The following TTC27 variants were observed in gnomAD, a reference collection of about 807,000 sequenced individuals.
TTC27 encodes tetratricopeptide repeat domain 27, also known as tetratricopeptide repeat protein 27.
Under a neutral mutation model 115.9 loss-of-function variants are expected in TTC27, and 79 were observed. The observed-to-expected ratio is 0.68, with a 90% CI of 0.57 to 0.82. The LOEUF is 0.82. Among genes scored for constraint, TTC27 ranks in the 40% least tolerant of loss-of-function variants. TTC27 has a pLI of 0.00. For synonymous variants in TTC27, 401 were observed against 356.0 expected, an observed-to-expected ratio of 1.13 and a Z score of -1.42; for missense variants, 1,054 against 993.1, an observed-to-expected ratio of 1.06 and a Z score of -0.82.
chr2:32,752,519 A>T (rs1669054469), intron 12 of TTC27, among the ~76,000 whole-genome samples: 1 of 152,210 alleles, frequency 6.6e-6, no homozygotes, highest in Non-Finnish European at 1.5e-5. Flanking sequence ...TCTGATGAAT[A>T]TCTTAATTCA....
At chr2:32,734,510 C>T (rs536220424) in intron 11 of TTC27, among the ~76,000 whole-genome samples, 4 of 152,350 alleles carry the variant, frequency 2.6e-5, no homozygotes, top group African/African-American at 9.6e-5. Flanking sequence ...CATGACTACT[C>T]TCCTCTTTCT....
intron 12 of TTC27, among the ~76,000 whole-genome samples, chr2:32,745,933 T>A (rs1668810733): frequency 6.6e-6 from 1 of 152,202 alleles, no homozygotes; most frequent in African/African-American, 2.4e-5. Flanking sequence ...CAGGTTTCCC[T>A]GGTCAAGTAA....
chr2:32,654,812 C>A (rs1461473674), intron 5 of TTC27, among the ~76,000 whole-genome samples: 2 of 151,590 alleles, frequency 1.3e-5, no homozygotes, highest in Non-Finnish European at 2.9e-5. Context: ...TCTCCTTCCT[C>A]AGCCTCCCAA....
chr2:32,702,893 A>T lies in TTC27; in HGVS notation c.1206A>T (p.Arg402=). Residue 402 remains arginine (R), a synonymous_variant, in exon 10 of 20, where the codon CGA becomes CGT. Transcript: ENST00000317907. ...RTKLEKGSTR[R]VERAMRQTQA... is the part of the protein sequence containing the mutation. ...AACTTGAGAAAGGAAGTACTCGCCGAGTGGAACGGGCAATGAGGCAGACAC... is the reference window on the plus strand; with the variant it reads ...AACTTGAGAAAGGAAGTACTCGCCGTGTGGAACGGGCAATGAGGCAGACAC... 1 of 1,614,110 alleles carries T rather than the reference A, an allele frequency of 6.2e-7. No individual in the cohort carries two copies. The highest frequency in any genetic ancestry group is 1.7e-5 in the Admixed American group (1 of 60,018).
intron 16 of TTC27, among the ~76,000 whole-genome samples, chr2:32,788,367 C>A (rs1390834877): frequency 1.3e-5 from 2 of 151,622 alleles, no homozygotes; most frequent in Non-Finnish European, 2.9e-5. Flanking sequence ...TAGGGCCAGG[C>A]TGAATTAGTT....
chr2:32,794,993 A>T (rs1426712483), intron 16 of TTC27, among the ~76,000 whole-genome samples: 1 of 152,170 alleles, frequency 6.6e-6, no homozygotes, highest in African/African-American at 2.4e-5. Flanking sequence ...ATTCACTGGT[A>T]AATTGTATCA....
chr2:32,732,712 G>C (rs1003488096), intron 10 of TTC27, among the ~76,000 whole-genome samples: 1 of 152,176 alleles, frequency 6.6e-6, no homozygotes, highest in African/African-American at 2.4e-5. Context: ...GTTTTGGAGA[G>C]TAAGTTGCCA....
chr2:32,738,867 G>A (rs1054847072), intron 12 of TTC27, among the ~76,000 whole-genome samples: 2 of 152,110 alleles, frequency 1.3e-5, no homozygotes, highest in South Asian at 2.1e-4. Context: ...GCTTTGTTTT[G>A]TACTGAGATG....
chr2:32,811,424 A>G (rs1038586569), intron 17 of TTC27, among the ~76,000 whole-genome samples: 4 of 152,208 alleles, frequency 2.6e-5, no homozygotes, highest in African/African-American at 9.6e-5. Flanking sequence ...TTTATTTACC[A>G]TGAAGTTTTC....
At chr2:32,718,836 A>G (rs1185657145) in intron 10 of TTC27, among the ~76,000 whole-genome samples, 1 of 152,212 alleles carries the variant, frequency 6.6e-6, no homozygotes, top group Admixed American at 6.5e-5. Context: ...TGGGAATCTG[A>G]GGCAACTGGG....
intron 12 of TTC27, among the ~76,000 whole-genome samples, chr2:32,749,165 C>G (rs1164705155): frequency 6.6e-6 from 1 of 152,198 alleles, no homozygotes; most frequent in Non-Finnish European, 1.5e-5. Context: ...TTATTTACCA[C>G]CTCAGGCAGC....
chr2:32,755,726 C>G (rs1171770421), intron 12 of TTC27, among the ~76,000 whole-genome samples: 1 of 152,162 alleles, frequency 6.6e-6, no homozygotes, highest in Non-Finnish European at 1.5e-5. Flanking sequence ...TGGCTTTTAC[C>G]TGGTTGGTAG....
At chr2:32,724,635 A>G (rs1322748464) in intron 10 of TTC27, among the ~76,000 whole-genome samples, 1 of 152,244 alleles carries the variant, frequency 6.6e-6, no homozygotes, top group Non-Finnish European at 1.5e-5. Context: ...GCCACTTGCT[A>G]AAGTACAATG....
intron 12 of TTC27, among the ~76,000 whole-genome samples, chr2:32,753,493 A>G (rs142826902): frequency 0.012 from 1,441 of 118,776 alleles, 16 homozygotes; most frequent in Middle Eastern, 0.032. Context: ...GCTGGAGTGC[A>G]GTGGCTTGAT....
At chr2:32,695,403 G>T (rs986013652) in intron 9 of TTC27, among the ~76,000 whole-genome samples, 1 of 152,012 alleles carries the variant, frequency 6.6e-6, no homozygotes, top group African/African-American at 2.4e-5. Context: ...GGCCAACATG[G>T]TGAAATGCCA....
In TTC27 at chr2:32,792,685, G is replaced by A. The variant is rs573646904; in HGVS notation, c.1998+5536G>A. On this transcript the variant is annotated intron_variant, in intron 16 of 19. Transcript: ENST00000317907. ...GAAATTGCTTCATTCTTGGCCTGGA[G>A]CCCTCCTGGTAGTTTTTGTAATGGG... 5.5e-4 allele frequency among the ~76,000 whole-genome samples: 83 copies of A among 152,248 alleles called. 1 individual carries two copies. The highest frequency in any genetic ancestry group is 9.4e-4 in the Non-Finnish European group (64 of 68,020).
rs750852289 is a variant in TTC27 at position 32,811,228 on chromosome 2, C to T, written c.2196+7C>T. ...GCCTGATGAAAATGAAAAGGCAAGT[C>T]CTTCATTCCTCCTGAGTCCTTGCCT... On this transcript the variant is annotated splice_region_variant and intron_variant, in intron 17 of 19. Coordinates refer to ENST00000317907, the MANE Select transcript of TTC27 (RefSeq NM_017735.5). 3 of 1,610,908 alleles carry T rather than the reference C, an allele frequency of 1.9e-6. No homozygotes were observed. Among genetic ancestry groups the T allele is most frequent in the Non-Finnish European group, 2.5e-6 (3 of 1,178,250 alleles).
intron 9 of TTC27, among the ~76,000 whole-genome samples, chr2:32,702,189 C>A (rs550868703): frequency 4.6e-5 from 7 of 152,086 alleles, no homozygotes; most frequent in African/African-American, 1.7e-4. Flanking sequence ...CTTTTTGAAA[C>A]AAGAGAAGGA....
At chr2:32,803,286 C>T (rs914647515) in intron 16 of TTC27, among the ~76,000 whole-genome samples, 1 of 152,232 alleles carries the variant, frequency 6.6e-6, no homozygotes, top group African/African-American at 2.4e-5. Context: ...GCTGCCCAAG[C>T]CCTTGCTGTC....
Sources: gnomAD v4.1 joint callset for allele counts (sites outside exome capture counted in the v4.1 genomes callset) on GRCh38, gnomAD v4.1.1 for gene constraint, MANE v1.5 for transcripts, NCBI Gene and HGNC (gene_info 2026-07-23, HGNC 2026-07-21) for gene names.